IL34: variants seen among roughly 807,000 people sequenced by gnomAD.
IL34 encodes interleukin-34.
IL34 carries 17 observed loss-of-function variants against 25.3 expected under a neutral mutation model. That is an observed-to-expected ratio of 0.67 (90% CI 0.46 to 1.01). The LOEUF is 1.01. Ranked by LOEUF, IL34 falls within the 50% of genes least tolerant of loss-of-function variation. The pLI, the probability that IL34 is intolerant of heterozygous loss-of-function variation, is 0.00. For missense variants in IL34, 368 were observed against 312.9 expected (o/e 1.18, Z -1.33); for synonymous variants, 174 against 140.9 (o/e 1.23, Z -1.66).
upstream of IL34, among the ~76,000 whole-genome samples, chr16:70,642,808 C>G (rs1306668418): frequency 6.6e-6 from 1 of 152,158 alleles, no homozygotes; most frequent in Non-Finnish European, 1.5e-5. Flanking sequence ...TGAAAGAAGC[C>G]AGACATGAAA....
At chr16:70,647,720 C>T (rs2051975180) in intron 1 of IL34, among the ~76,000 whole-genome samples, 1 of 152,174 alleles carries the variant, frequency 6.6e-6, no homozygotes, top group African/African-American at 2.4e-5. Flanking sequence ...GGGTTGAGTG[C>T]TCAGGAACTG....
At chr16:70,643,962 C>T (rs1341711723), upstream of IL34, among the ~76,000 whole-genome samples, 1 of 152,042 alleles carries the variant, frequency 6.6e-6, no homozygotes, top group East Asian at 1.9e-4. Context: ...GCTGGAATGA[C>T]AGAAGAGTGA....
At chr16:70,612,702 A>G (rs1046463663) in intron 1 of IL34, among the ~76,000 whole-genome samples, 4 of 152,226 alleles carry the variant, frequency 2.6e-5, no homozygotes, top group Non-Finnish European at 4.4e-5. Context: ...GTAAATCTGG[A>G]GCCTTTGGGG....
intron 1 of IL34, among the ~76,000 whole-genome samples, chr16:70,616,702 G>A (rs2051178194): frequency 6.6e-6 from 1 of 152,114 alleles, no homozygotes; most frequent in Non-Finnish European, 1.5e-5. Flanking sequence ...TCTCAAGGGT[G>A]GGGAGAATTA....
At chr16:70,621,007 G>T (rs1016143526) in intron 1 of IL34, among the ~76,000 whole-genome samples, 2 of 152,086 alleles carry the variant, frequency 1.3e-5, no homozygotes, top group African/African-American at 4.8e-5. Flanking sequence ...GCAGAGAAGG[G>T]GTTGGGGCAC....
At chr16:70,595,553 T>C (rs1331885980) in intron 1 of IL34, among the ~76,000 whole-genome samples, 2 of 151,648 alleles carry the variant, frequency 1.3e-5, no homozygotes, top group East Asian at 3.9e-4. Flanking sequence ...CCTGGACTCA[T>C]GTGATCCTCC....
At chr16:70,585,468 G>A (rs1187908112) in intron 1 of IL34, among the ~76,000 whole-genome samples, 1 of 151,942 alleles carries the variant, frequency 6.6e-6, no homozygotes, top group Non-Finnish European at 1.5e-5. Context: ...CGAGGCAGAT[G>A]GATTACGAGG....
At chr16:70,601,896 C>T (rs1407227408) in intron 1 of IL34, among the ~76,000 whole-genome samples, 2 of 152,238 alleles carry the variant, frequency 1.3e-5, no homozygotes, top group South Asian at 2.1e-4. Flanking sequence ...AGTCCCAGCC[C>T]GAGCCCAGAC....
intron 1 of IL34, among the ~76,000 whole-genome samples, chr16:70,626,030 A>T (rs1478199155): frequency 6.6e-6 from 1 of 152,202 alleles, no homozygotes; most frequent in Non-Finnish European, 1.5e-5. Context: ...CGCGTCCATG[A>T]GAAGAGACCA....
chr16:70,618,035 G>A (rs2051201249), intron 1 of IL34, among the ~76,000 whole-genome samples: 1 of 152,144 alleles, frequency 6.6e-6, no homozygotes, highest in Non-Finnish European at 1.5e-5. Context: ...TTGATGTGTA[G>A]AGAAGGGAGG....
intron 1 of IL34, among the ~76,000 whole-genome samples, chr16:70,608,222 G>A (rs189939710): frequency 6.0e-5 from 9 of 149,146 alleles, no homozygotes; most frequent in Non-Finnish European, 1.2e-4. Flanking sequence ...TCTGACTCCC[G>A]GGTTTAAGCC....
At chr16:70,608,224 G>T (rs555143521) in intron 1 of IL34, among the ~76,000 whole-genome samples, 49 of 150,222 alleles carry the variant, frequency 3.3e-4, no homozygotes, top group African/African-American at 1.2e-3. Context: ...TGACTCCCGG[G>T]TTTAAGCCAT....
chr16:70,615,124 T>TA (rs2151830948), intron 1 of IL34, among the ~76,000 whole-genome samples: 1 of 152,370 alleles, frequency 6.6e-6, no homozygotes, highest in Non-Finnish European at 1.5e-5. Flanking sequence ...TCTCTGGACT[T>TA]ACGGTGTATG....
Position 70,646,928 on chromosome 16 carries a change from G to C in IL34, c.-20G>C, listed in dbSNP as rs751355881. The C allele has an allele frequency of 1.1e-5, 16 of 1,480,036 alleles. No homozygotes were observed. The African/African-American group carries it at 2.1e-4, about 19-fold the overall frequency. 91.7% of individuals were successfully genotyped at this position (1,480,036 alleles called of 1,614,324 possible). On this transcript the variant is annotated 5_prime_UTR_variant, in exon 1 of 6. Transcript: ENST00000288098. ...GCTGGGGACGGCGCCTGAGCTCTCA[G>C]GGGGACGAGGAACACCACCATGCCC...
At chr16:70,605,671 TCTC>T (rs1318095188) in intron 1 of IL34, among the ~76,000 whole-genome samples, 3 of 152,136 alleles carry the variant, frequency 2.0e-5, no homozygotes, top group Non-Finnish European at 4.4e-5. Flanking sequence ...TCTCTTCTCT[TCTC>T]TTCTTTTTTT....
upstream of IL34, among the ~76,000 whole-genome samples, chr16:70,642,294 C>CTTTTTT (rs531744889): frequency 8.6e-6 from 1 of 116,936 alleles, no homozygotes; most frequent in Non-Finnish European, 1.8e-5. Flanking sequence ...ACTCTGATGT[C>CTTTTTT]TTTTTTTTTT....
chr16:70,617,723 G>A (rs1301625039), intron 1 of IL34, among the ~76,000 whole-genome samples: 6 of 152,158 alleles, frequency 3.9e-5, no homozygotes, highest in South Asian at 2.1e-4. Flanking sequence ...TCTTGAAGAC[G>A]GAGGACCGTA....
chr16:70,585,525 A>T (rs2050682873), intron 1 of IL34, among the ~76,000 whole-genome samples: 1 of 151,872 alleles, frequency 6.6e-6, no homozygotes, highest in Admixed American at 6.6e-5. Flanking sequence ...GTCTCTACTA[A>T]AAATACAAAA....
intron 1 of IL34, among the ~76,000 whole-genome samples, chr16:70,592,347 C>T (rs943454639): frequency 6.6e-6 from 1 of 152,108 alleles, no homozygotes; most frequent in Non-Finnish European, 1.5e-5. Context: ...CCACCCTGAC[C>T]GCCTCCTGAG....
Sources: gnomAD v4.1 joint callset for allele counts (sites outside exome capture counted in the v4.1 genomes callset) on GRCh38, gnomAD v4.1.1 for gene constraint, MANE v1.5 for transcripts, NCBI Gene and HGNC (gene_info 2026-07-23, HGNC 2026-07-21) for gene names.